Variants in WDR72 observed in about 807,000 individuals in gnomAD.
The protein encoded by WDR72 is WD repeat-containing protein 72.
Under a neutral mutation model 124.2 loss-of-function variants are expected in WDR72, and 120 were observed. The observed-to-expected ratio is 0.97, with a 90% confidence interval of 0.83 to 1.12. The LOEUF is 1.12. Among genes scored for constraint, WDR72 ranks in the 50% most tolerant of loss-of-function variants. WDR72 has a pLI of 0.00. For synonymous variants in WDR72, 452 were observed against 441.7 expected (o/e 1.02, Z -0.29); for missense variants, 1,387 against 1,278.8 (o/e 1.08, Z -1.29).
intron 2 of WDR72, among the ~76,000 whole-genome samples, chr15:53,728,005 A>G (rs2018091694): frequency 6.6e-6 from 1 of 152,188 alleles, no homozygotes; most frequent in Non-Finnish European, 1.5e-5. Flanking sequence ...GGTACTTCCA[A>G]CAGCACAATG....
intron 15 of WDR72, 66 bp downstream of exon 15, chr15:53,615,360 G>A: frequency 7.8e-7 from 1 of 1,284,310 alleles, no homozygotes; most frequent in Non-Finnish European, 1.1e-6. Flanking sequence ...GCTAAATATA[G>A]CAAATAATGA....
At chr15:53,586,842 G>T (rs2012238173) in intron 18 of WDR72, among the ~76,000 whole-genome samples, 1 of 152,056 alleles carries the variant, frequency 6.6e-6, no homozygotes, top group Admixed American at 6.6e-5. Context: ...AAACATGGGA[G>T]AGAAAGAAAA....
chr15:53,567,559 G>C (rs1354548714), intron 18 of WDR72, among the ~76,000 whole-genome samples: 5 of 152,006 alleles, frequency 3.3e-5, no homozygotes, highest in African/African-American at 1.2e-4. Flanking sequence ...AGATGAGACT[G>C]ATCTTATTTT....
intron 18 of WDR72, among the ~76,000 whole-genome samples, chr15:53,593,950 T>C (rs942962053): frequency 2.0e-5 from 3 of 152,014 alleles, no homozygotes; most frequent in Non-Finnish European, 4.4e-5. Context: ...TTCTTTTCAG[T>C]TGTACTTTGA....
chr15:53,667,819 A>G (rs563860604), intron 13 of WDR72, among the ~76,000 whole-genome samples: 1 of 152,320 alleles, frequency 6.6e-6, no homozygotes, highest in East Asian at 1.9e-4. Context: ...AAATGTATAC[A>G]TTTTATATAT....
chr15:53,630,125 T>C (rs1281025410), intron 14 of WDR72, among the ~76,000 whole-genome samples: 3 of 152,068 alleles, frequency 2.0e-5, no homozygotes, highest in Non-Finnish European at 2.9e-5. Context: ...ATGGACAAAT[T>C]TTTAAAAAGA....
intron 1 of WDR72, among the ~76,000 whole-genome samples, chr15:53,735,538 T>G (rs1337369738): frequency 6.6e-6 from 1 of 152,162 alleles, no homozygotes; most frequent in Non-Finnish European, 1.5e-5. Flanking sequence ...TTAATCAAAT[T>G]TATACTTTAA....
Position 53,699,922 on chromosome 15 carries a change from G to A in WDR72, c.1593C>T (p.Cys531=), listed in dbSNP as rs752004668. 3.7e-6 allele frequency: 6 copies of A among 1,614,002 alleles called. No individual in the cohort carries two copies. The highest frequency in any genetic ancestry group is 2.2e-5 in the East Asian group (1 of 44,892). ...CCACGGAATGGTCACCGCACACACA[G>A]CAAATTATCTGCTCACCCCTTAGCT... The part of the protein sequence containing the change: ...KFKLRGEQII[C]CVCGDHSVAL... The change falls in exon 13 of 20, where the codon TGC becomes TGT. Residue 531 remains cysteine (C), a synonymous_variant. Coordinates refer to ENST00000360509, the MANE Select transcript of WDR72 (RefSeq NM_182758.4).
At chr15:53,734,093 C>T (rs960292572) in intron 1 of WDR72, among the ~76,000 whole-genome samples, 3 of 152,070 alleles carry the variant, frequency 2.0e-5, no homozygotes, top group African/African-American at 4.8e-5. Flanking sequence ...AGTGTAAATA[C>T]CAATATAAAT....
intron 18 of WDR72, among the ~76,000 whole-genome samples, chr15:53,537,793 A>T (rs1892839749): frequency 6.6e-6 from 1 of 152,212 alleles, no homozygotes; most frequent in African/African-American, 2.4e-5. Flanking sequence ...CTAGCAATGT[A>T]GTAATATCTA....
intron 3 of WDR72, among the ~76,000 whole-genome samples, chr15:53,720,468 A>G (rs1297173667): frequency 1.3e-5 from 2 of 152,186 alleles, no homozygotes; most frequent in Non-Finnish European, 2.9e-5. Context: ...TGTTCTTCTT[A>G]CTAAAGAATA....
intron 18 of WDR72, among the ~76,000 whole-genome samples, chr15:53,595,243 T>A (rs2012716156): frequency 6.6e-6 from 1 of 152,070 alleles, no homozygotes. Context: ...CACACTTTAA[T>A]CCAAATGTCT....
intron 13 of WDR72, among the ~76,000 whole-genome samples, chr15:53,680,245 C>CT (rs2016332914): frequency 6.6e-6 from 1 of 152,112 alleles, no homozygotes; most frequent in South Asian, 2.1e-4. Context: ...TACAAGTATG[C>CT]TTAGTCATGC....
intron 18 of WDR72, among the ~76,000 whole-genome samples, chr15:53,575,042 T>C (rs1182022561): frequency 1.4e-5 from 2 of 138,028 alleles, no homozygotes; most frequent in Non-Finnish European, 3.2e-5. Flanking sequence ...CACACACACA[T>C]TTAAAATGTA....
intron 14 of WDR72, among the ~76,000 whole-genome samples, chr15:53,657,699 A>T (rs1238991407): frequency 6.6e-6 from 1 of 152,190 alleles, no homozygotes; most frequent in Non-Finnish European, 1.5e-5. Flanking sequence ...AATGATATAA[A>T]TATTTATTCA....
At chr15:53,698,088 G>C (rs886615705) in intron 13 of WDR72, among the ~76,000 whole-genome samples, 1 of 152,038 alleles carries the variant, frequency 6.6e-6, no homozygotes, top group African/African-American at 2.4e-5. Context: ...ATGTATTTGA[G>C]GGTGTATAAA....
intron 1 of WDR72, among the ~76,000 whole-genome samples, chr15:53,735,414 A>G (rs536078438): frequency 6.6e-6 from 1 of 152,356 alleles, no homozygotes; most frequent in African/African-American, 2.4e-5. Context: ...AGGGAAAGAA[A>G]GAACAGGGAA....
At chr15:53,533,563 A>G (rs758836683) in intron 18 of WDR72, among the ~76,000 whole-genome samples, 4 of 152,144 alleles carry the variant, frequency 2.6e-5, no homozygotes, top group Admixed American at 6.5e-5. Context: ...CTCAGCAATG[A>G]AAGATTCTGG....
intron 18 of WDR72, among the ~76,000 whole-genome samples, chr15:53,538,225 ACAAT>A (rs1159939468): frequency 1.3e-5 from 2 of 152,194 alleles, no homozygotes; most frequent in South Asian, 2.1e-4. Context: ...TTGTATGTGC[ACAAT>A]CAAATTTCAG....
Sources: allele counts gnomAD v4.1 joint callset (sites outside exome capture counted in the v4.1 genomes callset), GRCh38; gene constraint gnomAD v4.1.1; transcripts MANE v1.5; gene names NCBI Gene and HGNC (gene_info 2026-07-23, HGNC 2026-07-21).